Variants in PPP1R7 observed in about 807,000 individuals in gnomAD.
PPP1R7 encodes the protein protein phosphatase 1 regulatory subunit 22.
Under a neutral mutation model 45.2 loss-of-function variants are expected in PPP1R7, and 18 were observed. The ratio of observed to expected loss-of-function variants is 0.40; its 90% confidence interval spans 0.28 to 0.59. The LOEUF (loss-of-function observed/expected upper bound fraction) is 0.59, where lower values mean the gene tolerates loss of function less well. Among genes scored for constraint, PPP1R7 ranks in the 20% least tolerant of loss-of-function variants. The probability of loss-of-function intolerance (pLI) is 0.46; values close to 1 mark genes in which losing one functional copy is unlikely to be tolerated. For missense variants in PPP1R7, 314 were observed against 455.8 expected, an observed-to-expected ratio of 0.69 and a Z score of 2.83; for synonymous variants, 181 against 183.4, an observed-to-expected ratio of 0.99 and a Z score of 0.11.
At chr2:241,158,583 T>C in intron 4 of PPP1R7, 34 bp downstream of exon 4, 2 of 1,585,000 alleles carry the variant, frequency 1.3e-6, no homozygotes, top group Admixed American at 1.7e-5. Flanking sequence ...ACTATGACGC[T>C]CACCCATAGG....
intron 9 of PPP1R7, among the ~76,000 whole-genome samples, chr2:241,181,246 C>T (rs984449566): frequency 2.6e-5 from 4 of 152,048 alleles, no homozygotes; most frequent in Non-Finnish European, 4.4e-5. Context: ...GTGAGATGCA[C>T]GTTATATTCC....
intron 9 of PPP1R7, among the ~76,000 whole-genome samples, chr2:241,179,471 T>C (rs2067964141): frequency 2.0e-5 from 3 of 152,164 alleles, no homozygotes; most frequent in African/African-American, 7.2e-5. Context: ...TTATGGGAAG[T>C]GTAAGAGCTA....
chr2:241,166,191 C>G, intron 7 of PPP1R7, 146 bp from the exon 8 acceptor site: 1 of 614,070 alleles, frequency 1.6e-6, no homozygotes, highest in Non-Finnish European at 2.7e-6. Flanking sequence ...CATGAGCCAC[C>G]GCGCCCGGCC....
chr2:241,164,960 A>G (rs1407220753), intron 7 of PPP1R7, among the ~76,000 whole-genome samples: 1 of 152,076 alleles, frequency 6.6e-6, no homozygotes, highest in Non-Finnish European at 1.5e-5. Flanking sequence ...AGGCAGGAGA[A>G]ATGCTTGAAT....
At chr2:241,167,963 A>AC (rs1423669685) in intron 8 of PPP1R7, among the ~76,000 whole-genome samples, 2 of 151,968 alleles carry the variant, frequency 1.3e-5, no homozygotes, top group Non-Finnish European at 2.9e-5. Flanking sequence ...CTTAGACGAC[A>AC]CCCCCCATCC....
intron 2 of PPP1R7, 85 bp from the exon 3 acceptor site, chr2:241,157,722 C>G: frequency 1.5e-6 from 2 of 1,357,296 alleles, no homozygotes; most frequent in Non-Finnish European, 2.1e-6. Flanking sequence ...CACCAAACAG[C>G]CCCAGACCTC....
chr2:241,172,244 AG>A (rs754248032), intron 9 of PPP1R7, among the ~76,000 whole-genome samples: 1 of 150,210 alleles, frequency 6.7e-6, no homozygotes, highest in Non-Finnish European at 1.5e-5. Flanking sequence ...GTTTGGAGGG[AG>A]GGTTGTTTTA....
chr2:241,166,582 C>T, intron 8 of PPP1R7, 141 bp downstream of exon 8: 1 of 693,426 alleles, frequency 1.4e-6, no homozygotes, highest in Non-Finnish European at 2.5e-6. Context: ...GAAAGACCTT[C>T]CCATCCTAAA....
intron 5 of PPP1R7, 70 bp downstream of exon 5, chr2:241,159,413 G>C (rs1006283030): frequency 1.8e-5 from 29 of 1,573,242 alleles, no homozygotes; most frequent in Non-Finnish European, 2.5e-5. Context: ...CCAGTCTCCA[G>C]AGCCAACCTC....
chr2:241,154,206 G>GAAAA (rs1559416659), intron 2 of PPP1R7, among the ~76,000 whole-genome samples: 6 of 140,458 alleles, frequency 4.3e-5, no homozygotes, highest in African/African-American at 5.5e-5. Context: ...AAAAAAAAAG[G>GAAAA]AAAAAGAAAA....
chr2:241,169,305 C>T (rs2067774515), intron 8 of PPP1R7, among the ~76,000 whole-genome samples: 1 of 152,200 alleles, frequency 6.6e-6, no homozygotes, highest in African/African-American at 2.4e-5. Flanking sequence ...GATTCTTAGC[C>T]CCACTGAGCC....
chr2:241,149,901 C>G (rs2067205124), upstream of PPP1R7: 11 of 1,438,332 alleles, frequency 7.6e-6, no homozygotes, highest in African/African-American at 2.9e-5. Flanking sequence ...CCCACCAGCG[C>G]AAGTGCCCCG....
rs1242576460 is a variant in PPP1R7, at chr2:241,166,254, A to G, written c.715-83A>G. The G allele has an allele frequency of 2.1e-5, 24 of 1,156,286 alleles. 1 individual carries two copies. The South Asian group carries it at 3.1e-4, about 15-fold the overall frequency. 71.6% of individuals were successfully genotyped at this position (1,156,286 alleles called of 1,614,324 possible). A position where few individuals can be genotyped will look rare whatever the true frequency, so the allele number is the denominator to read the frequency against. ...CTCTGTTCTTAGAATTCTTCAAGATAACACAAAACCTCGTTTCCTAAAAAC... is the reference window on the plus strand; with the variant it reads ...CTCTGTTCTTAGAATTCTTCAAGATGACACAAAACCTCGTTTCCTAAAAAC... On this transcript the variant is annotated intron_variant, in intron 7 of 9. Coordinates refer to ENST00000234038, the MANE Select transcript of PPP1R7 (RefSeq NM_002712.3).
chr2:241,167,441 G>A (rs1233062134), intron 8 of PPP1R7, among the ~76,000 whole-genome samples: 2 of 152,030 alleles, frequency 1.3e-5, no homozygotes, highest in African/African-American at 4.8e-5. Context: ...GTGTAGTTTA[G>A]AGTGGTAAGT....
intron 7 of PPP1R7, among the ~76,000 whole-genome samples, chr2:241,163,943 C>T (rs2067651545): frequency 6.6e-6 from 1 of 151,544 alleles, no homozygotes; most frequent in Non-Finnish European, 1.5e-5. Context: ...GACAAGGTCT[C>T]ACTCTGTCAT....
chr2:241,161,778 G>T (rs2067596002), intron 6 of PPP1R7, among the ~76,000 whole-genome samples: 1 of 152,254 alleles, frequency 6.6e-6, no homozygotes, highest in South Asian at 2.1e-4. Context: ...CTGCCAGGCA[G>T]GGAGGAGGGA....
chr2:241,182,125 G>C (rs960027395), intron 9 of PPP1R7, among the ~76,000 whole-genome samples: 3 of 152,202 alleles, frequency 2.0e-5, no homozygotes, highest in Admixed American at 6.5e-5. Flanking sequence ...ACCTGCTCAC[G>C]ATTTGTGTCC....
intron 5 of PPP1R7, 103 bp from the exon 6 acceptor site, chr2:241,160,229 T>G: frequency 1.8e-6 from 1 of 540,980 alleles, no homozygotes; most frequent in African/African-American, 2.0e-5. Context: ...CGGTAGTGAC[T>G]GCCGTCCCCT....
rs186196016 is a variant in PPP1R7 at position 241,167,115 on chromosome 2, C to G, written c.819+674C>G. 7.5e-4 allele frequency: 1,194 copies of G among 1,582,322 alleles called. 2 individuals carry two copies. The highest frequency in any genetic ancestry group is 9.6e-4 in the Non-Finnish European group (1,107 of 1,154,186). ...CCCCACCCTCCTCAGCTGCCTCCAG[C>G]TCACCCTGCTCTGCCCCAGTGCGGT... On this transcript the variant is annotated intron_variant, in intron 8 of 9. Coordinates refer to ENST00000234038, the MANE Select transcript of PPP1R7 (RefSeq NM_002712.3).
Sources: gnomAD v4.1 joint callset for allele counts (sites outside exome capture counted in the v4.1 genomes callset) on GRCh38, gnomAD v4.1.1 for gene constraint, MANE v1.5 for transcripts, NCBI Gene and HGNC (gene_info 2026-07-23, HGNC 2026-07-21) for gene names.